Variants in LARS1 observed in about 807,000 individuals in gnomAD.
The protein encoded by LARS1 is leucine--tRNA ligase, cytoplasmic.
A neutral mutation model predicts 162.8 loss-of-function variants in LARS1; 100 were observed. That is an observed-to-expected ratio of 0.61 (90% CI 0.52 to 0.73). The LOEUF (loss-of-function observed/expected upper bound fraction) is 0.73, where lower values mean the gene tolerates loss of function less well. LARS1 is among the 30% of genes least tolerant of loss of function. LARS1 has a pLI of 0.00. For missense variants in LARS1, 1,258 were observed against 1,408.9 expected (o/e 0.89, Z 1.71); for synonymous variants, 457 against 462.8 (o/e 0.99, Z 0.16).
At chr5:146,179,786 A>G in intron 1 of LARS1, 2 of 287,334 alleles carry the variant, frequency 7.0e-6, no homozygotes, top group South Asian at 5.1e-5. Context: ...ATTTTTTTGT[A>G]GAGACAGGGT....
chr5:146,180,720 T>C (rs765325861), intron 1 of LARS1, among the ~76,000 whole-genome samples: 5 of 152,188 alleles, frequency 3.3e-5, no homozygotes, highest in Non-Finnish European at 5.9e-5. Context: ...TAAAATCTGA[T>C]ATTGGCCCAA....
chr5:146,144,842 G>T, intron 15 of LARS1, 133 bp from the exon 16 acceptor site: 1 of 709,498 alleles, frequency 1.4e-6, no homozygotes, highest in Non-Finnish European at 2.3e-6. Context: ...TGTCTTGCCC[G>T]CCTTCCCAGG....
intron 2 of LARS1, among the ~76,000 whole-genome samples, chr5:146,174,231 C>A (rs1046783070): frequency 1.0e-4 from 15 of 146,624 alleles, no homozygotes; most frequent in South Asian, 2.2e-4. Flanking sequence ...GGGCGGATCA[C>A]CTGAGGTTGG....
rs1753312390 is a variant in LARS1, at chr5:146,151,999, G to C, written c.1288C>G (p.Pro430Ala). 1 of 1,613,788 alleles carries C rather than the reference G, an allele frequency of 6.2e-7. No homozygotes were observed. The highest frequency in any genetic ancestry group is 8.5e-7 in the Non-Finnish European group (1 of 1,180,016). The change falls in exon 14 of 32, where the codon CCA becomes GCA. Residue 430 changes from proline to alanine, a missense_variant. By Grantham distance (27) the Pro-to-Ala change is conservative (BLOSUM62 -1). Transcript: ENST00000394434. Reference sequence around the variant, plus strand: ...CCAAAACCTGGGATTTCAATGACTGGCACCTGCAGCAAACAGCAATCAGGA... The same window carrying C: ...CCAAAACCTGGGATTTCAATGACTGCCACCTGCAGCAAACAGCAATCAGGA... Reference protein sequence around the residue: ...DDMVLPFEPVPVIEIPGFGNL... With the variant: ...DDMVLPFEPVAVIEIPGFGNL...
At chr5:146,153,605 AAACAAGT>A in intron 12 of LARS1, 122 bp downstream of exon 12, 2 of 688,814 alleles carry the variant, frequency 2.9e-6, no homozygotes, top group East Asian at 5.5e-5. Context: ...TAACATCAAG[AAACAAGT>A]TAGAGATAGC....
At chr5:146,178,612 C>A (rs1225798713) in intron 1 of LARS1, among the ~76,000 whole-genome samples, 11 of 142,508 alleles carry the variant, frequency 7.7e-5, no homozygotes, top group Admixed American at 3.7e-4. Flanking sequence ...GAAACTCCAT[C>A]CCCCACCAAA....
At chr5:146,169,351 A>G (rs1754157572) in intron 4 of LARS1, among the ~76,000 whole-genome samples, 2 of 152,202 alleles carry the variant, frequency 1.3e-5, no homozygotes, top group African/African-American at 4.8e-5. Flanking sequence ...AAACACTGTT[A>G]AAGTTATGAG....
At chr5:146,119,784 T>C (rs970120178) in intron 31 of LARS1, among the ~76,000 whole-genome samples, 27 of 152,314 alleles carry the variant, frequency 1.8e-4, no homozygotes, top group African/African-American at 5.8e-4. Context: ...ATATGAGCTT[T>C]GGAGTCAAAC....
chr5:146,136,940 G>A (rs551696730), intron 21 of LARS1, among the ~76,000 whole-genome samples: 2 of 151,912 alleles, frequency 1.3e-5, no homozygotes, highest in African/African-American at 2.4e-5. Flanking sequence ...CACTCTTGTC[G>A]CGCAAGGCCT....
Position 146,165,282 on chromosome 5 carries a change from G to A in LARS1, c.433-811C>T, listed in dbSNP as rs186590731. ...CGGGAGGCGGAGGTTGCAGTGAGCC[G>A]AGACTGTGCCACTGTACTTCAAAGC... On this transcript the variant is annotated intron_variant, in intron 5 of 31. Transcript: ENST00000394434. 4.5e-4 allele frequency among the ~76,000 whole-genome samples: 68 copies of A among 151,870 alleles called. 1 individual carries two copies. The highest frequency in any genetic ancestry group is 1.6e-3 in the African/African-American group (67 of 41,394).
intron 20 of LARS1, among the ~76,000 whole-genome samples, chr5:146,141,116 T>C (rs889789462): frequency 6.6e-6 from 1 of 152,224 alleles, no homozygotes; most frequent in Non-Finnish European, 1.5e-5. Flanking sequence ...ATTTTCAAAC[T>C]ATGTACATGT....
intron 2 of LARS1, among the ~76,000 whole-genome samples, chr5:146,177,339 G>A (rs1754632193): frequency 6.6e-6 from 1 of 151,530 alleles, no homozygotes; most frequent in South Asian, 2.1e-4. Flanking sequence ...GGTGGTGGGT[G>A]CCTGTAGTCC....
At chr5:146,169,990 GA>G (rs1754189109) in intron 4 of LARS1, among the ~76,000 whole-genome samples, 1 of 152,118 alleles carries the variant, frequency 6.6e-6, no homozygotes, top group Non-Finnish European at 1.5e-5. Context: ...CCTCAACAAT[GA>G]AGTATTCTTG....
rs137978546 is a variant in LARS1, at chr5:146,168,903, C to T, written c.295-638G>A. On this transcript the variant is annotated intron_variant, in intron 4 of 31. Transcript: ENST00000394434. The stretch of plus-strand genomic sequence containing the variant: ...TTGGATAACATTAATAACATTGTTT[C>T]TCAATTTAAAGATTACTGTCAGGAG... Among the ~76,000 whole-genome samples the T allele has an allele frequency of 1.3e-4, 19 of 151,644 alleles. No homozygotes were observed. In the East Asian group the frequency reaches 3.7e-3, roughly 29 times the overall value.
At position 146,164,449 on chromosome 5, in the gene LARS1, C is replaced by G; in HGVS notation, c.455G>C (p.Gly152Ala). The part of the protein sequence containing the change: ...GKKSKAAAKA[G>A]SSKYQWGIMK... ...AATGCCCCACTGGTATTTAGAAGAT[C>G]CAGCTTTAGCAGCAGCTTTACTCTG... The change falls in exon 6 of 32, where the codon GGA (glycine) becomes GCA (alanine). Residue 152 changes from glycine to alanine, a missense_variant. Transcript: ENST00000394434. The G allele has an allele frequency of 6.2e-7, 1 of 1,613,972 alleles. No individual in the cohort carries two copies. Among genetic ancestry groups the G allele is most frequent in the Non-Finnish European group, 8.5e-7 (1 of 1,179,944 alleles).
At chr5:146,133,249 T>A (rs1004303175) in intron 22 of LARS1, among the ~76,000 whole-genome samples, 168 bp from the exon 23 acceptor site, 19 of 152,172 alleles carry the variant, frequency 1.2e-4, no homozygotes, top group Admixed American at 7.9e-4. Flanking sequence ...AAAAGTAGCA[T>A]CCCTAACCGT....
At chr5:146,163,837 G>A (rs1753886191) in intron 6 of LARS1, among the ~76,000 whole-genome samples, 2 of 152,078 alleles carry the variant, frequency 1.3e-5, no homozygotes, top group South Asian at 4.1e-4. Flanking sequence ...AAAATGATGA[G>A]AGACATGTGA....
chr5:146,147,477 G>A lies in LARS1; in HGVS notation c.1503+2145C>T, dbSNP rs1015699170. ...CCCAAAATTAGTAATTATTGAATCCGGGTGATAGGTATTACAGGAATTTAT... is the reference window on the plus strand; with the variant it reads ...CCCAAAATTAGTAATTATTGAATCCAGGTGATAGGTATTACAGGAATTTAT... On this transcript the variant is annotated intron_variant, in intron 15 of 31. Transcript: ENST00000394434. Among the ~76,000 whole-genome samples the A allele has an allele frequency of 5.3e-5, 8 of 151,316 alleles. 1 individual carries two copies. The East Asian group carries it at 9.7e-4, about 18-fold the overall frequency.
intron 1 of LARS1, chr5:146,182,005 A>C (rs1198428779): frequency 6.4e-6 from 1 of 157,064 alleles, no homozygotes; most frequent in Admixed American, 6.2e-5. Context: ...CAGTGGCGCG[A>C]TCCTGGCTCA....
Sources: gnomAD v4.1 joint callset for allele counts (sites outside exome capture counted in the v4.1 genomes callset) on GRCh38, gnomAD v4.1.1 for gene constraint, MANE v1.5 for transcripts, NCBI Gene and HGNC (gene_info 2026-07-23, HGNC 2026-07-21) for gene names.